The following GADL1 variants were observed in gnomAD, a reference collection of about 807,000 sequenced individuals.
The protein encoded by GADL1 is GAD like acidic amino acid decarboxylase 1.
Under a neutral mutation model 69.5 loss-of-function variants are expected in GADL1, and 71 were observed. That is an observed-to-expected ratio of 1.02 (90% CI 0.84 to 1.25). The LOEUF (loss-of-function observed/expected upper bound fraction) is 1.25. Among genes scored for constraint, GADL1 ranks in the 50% most tolerant of loss-of-function variants. The probability of loss-of-function intolerance (pLI) is 0.00; values close to 1 mark genes in which losing one functional copy is unlikely to be tolerated. For missense variants in GADL1, 737 were observed against 631.8 expected (o/e 1.17, Z -1.79); for synonymous variants, 254 against 214.4 (o/e 1.18, Z -1.62).
intron 11 of GADL1, among the ~76,000 whole-genome samples, chr3:30,802,099 C>T (rs1281279754): frequency 1.3e-5 from 2 of 152,186 alleles, no homozygotes; most frequent in African/African-American, 4.8e-5. Flanking sequence ...GTCTGCCCTG[C>T]TATCAGGTCC....
chr3:30,763,551 C>T (rs922682400), intron 14 of GADL1, among the ~76,000 whole-genome samples: 11 of 151,548 alleles, frequency 7.3e-5, no homozygotes, highest in African/African-American at 2.4e-4. Context: ...AAAACTATTA[C>T]ACCTAACCTA....
intron 1 of GADL1, among the ~76,000 whole-genome samples, chr3:30,873,523 G>T (rs932418130): frequency 8.6e-5 from 13 of 151,782 alleles, no homozygotes; most frequent in African/African-American, 3.1e-4. Flanking sequence ...TGCTTTCTGT[G>T]TCTTATCAAC....
chr3:30,774,974 A>G (rs560257807), intron 14 of GADL1, among the ~76,000 whole-genome samples: 1 of 152,272 alleles, frequency 6.6e-6, no homozygotes, highest in East Asian at 1.9e-4. Context: ...CAGAAAAGAG[A>G]CAAATACAAT....
chr3:30,797,866 C>CA (rs975360715), intron 12 of GADL1: 12 of 152,092 alleles, frequency 7.9e-5, no homozygotes, highest in Admixed American at 6.6e-4. Flanking sequence ...GAATGTTTAA[C>CA]ACCATGAAAG....
chr3:30,773,404 GTTATC>G (rs1178374527), intron 14 of GADL1, among the ~76,000 whole-genome samples: 8 of 148,590 alleles, frequency 5.4e-5, no homozygotes, highest in African/African-American at 1.6e-4. Flanking sequence ...TCTTTTTAAT[GTTATC>G]TTATTTTCAC....
At chr3:30,834,715 C>A (rs1697846035) in intron 9 of GADL1, among the ~76,000 whole-genome samples, 1 of 151,960 alleles carries the variant, frequency 6.6e-6, no homozygotes, top group Admixed American at 6.6e-5. Flanking sequence ...AGATAGAAGG[C>A]CAACTAGGAT....
intron 1 of GADL1, among the ~76,000 whole-genome samples, chr3:30,864,882 ACCTTTCTTCGC>A (rs1450584208): frequency 6.6e-6 from 1 of 151,670 alleles, no homozygotes; most frequent in Non-Finnish European, 1.5e-5. Context: ...CCAACTAACC[ACCTTTCTTCGC>A]CCTTTCCCCT....
chr3:30,835,711 C>T (rs1697862139), intron 9 of GADL1, among the ~76,000 whole-genome samples: 1 of 152,036 alleles, frequency 6.6e-6, no homozygotes, highest in African/African-American at 2.4e-5. Flanking sequence ...CCAGCCTTGT[C>T]CCATGGACTA....
chr3:30,748,212 G>C (rs748122232), intron 14 of GADL1, among the ~76,000 whole-genome samples: 2 of 152,136 alleles, frequency 1.3e-5, no homozygotes, highest in Non-Finnish European at 2.9e-5. Context: ...AAGGATATGA[G>C]GAAGCGCATG....
chr3:30,824,414 A>G (rs1486178490), intron 11 of GADL1, among the ~76,000 whole-genome samples: 1 of 151,784 alleles, frequency 6.6e-6, no homozygotes, highest in Non-Finnish European at 1.5e-5. Context: ...TTGACCCACA[A>G]GAAAATTCCT....
At chr3:30,796,515 G>A (rs944105587) in intron 12 of GADL1, among the ~76,000 whole-genome samples, 2 of 152,138 alleles carry the variant, frequency 1.3e-5, no homozygotes, top group East Asian at 3.9e-4. Flanking sequence ...ATTCAGAGAT[G>A]GATATTTACT....
intron 9 of GADL1, among the ~76,000 whole-genome samples, chr3:30,835,558 C>T (rs538582781): frequency 6.6e-6 from 1 of 152,170 alleles, no homozygotes; most frequent in African/African-American, 2.4e-5. Context: ...CTTTCATTGA[C>T]AGCTGAGACT....
intron 11 of GADL1, among the ~76,000 whole-genome samples, chr3:30,819,320 G>A (rs1697529806): frequency 6.6e-6 from 1 of 151,966 alleles, no homozygotes; most frequent in Admixed American, 6.6e-5. Flanking sequence ...TTTTGTATAA[G>A]ATGTCCTTCC....
At chr3:30,740,480 A>G (rs1471176487) in intron 14 of GADL1, among the ~76,000 whole-genome samples, 4 of 149,894 alleles carry the variant, frequency 2.7e-5, no homozygotes, top group Admixed American at 2.0e-4. Context: ...GTTTAGGGTA[A>G]GTGATACACG....
intron 6 of GADL1, among the ~76,000 whole-genome samples, chr3:30,846,054 CA>C (rs55634806): frequency 0.28 from 32,725 of 115,686 alleles, 4,740 homozygotes; most frequent in African/African-American, 0.45. Flanking sequence ...ATAGATAGAT[CA>C]AAAAAAAAAA....
chr3:30,846,288 C>T (rs1200355492), intron 6 of GADL1, among the ~76,000 whole-genome samples: 2 of 152,184 alleles, frequency 1.3e-5, no homozygotes, highest in Non-Finnish European at 2.9e-5. Flanking sequence ...TAAGACTCAA[C>T]CTCCCCACAG....
intron 14 of GADL1, among the ~76,000 whole-genome samples, chr3:30,742,739 A>G (rs1344200382): frequency 1.3e-5 from 2 of 152,170 alleles, no homozygotes; most frequent in Non-Finnish European, 2.9e-5. Context: ...TAAATATCAT[A>G]CAAGAAAACA....
chr3:30,869,355 G>T (rs533583181), intron 1 of GADL1, among the ~76,000 whole-genome samples: 2 of 151,694 alleles, frequency 1.3e-5, no homozygotes, highest in South Asian at 4.2e-4. Context: ...AATGAGAGCG[G>T]GTAACTGTGA....
At chr3:30,820,578 A>C (rs1236216956) in intron 11 of GADL1, among the ~76,000 whole-genome samples, 1 of 152,194 alleles carries the variant, frequency 6.6e-6, no homozygotes, top group Non-Finnish European at 1.5e-5. Context: ...AAAAAATAAA[A>C]TATAAAATGT....
Sources: allele counts gnomAD v4.1 joint callset (sites outside exome capture counted in the v4.1 genomes callset), GRCh38; gene constraint gnomAD v4.1.1; transcripts MANE v1.5; gene names NCBI Gene and HGNC (gene_info 2026-07-23, HGNC 2026-07-21).